TDRD9: variants seen among roughly 807,000 people sequenced by gnomAD.
TDRD9 encodes the protein ATP-dependent RNA helicase TDRD9.
A neutral mutation model predicts 172.6 loss-of-function variants in TDRD9; 124 were observed. That is an observed-to-expected ratio of 0.72 (90% CI 0.62 to 0.83). The LOEUF is 0.83. Ranked by LOEUF, TDRD9 falls within the 40% of genes least tolerant of loss-of-function variation. The pLI is 0.00. For synonymous variants in TDRD9, 619 were observed against 617.1 expected (o/e 1.00, Z -0.05); for missense variants, 1,479 against 1,714.1 (o/e 0.86, Z 2.42).
chr14:103,938,382 ATGTGTGTGTGTGTG>A (rs71126086), intron 1 of TDRD9, among the ~76,000 whole-genome samples: 38 of 38,588 alleles, frequency 9.8e-4, no homozygotes, highest in African/African-American at 2.1e-3. Context: ...TGCCCCATAT[ATGTGTGTGTGTGTG>A]TGTGTGTGTG....
Position 103,998,709 on chromosome 14 carries a change from C to G in TDRD9, c.1464C>G (p.Thr488=). The change falls in exon 13 of 36, where the codon ACC becomes ACG. Residue 488 remains threonine (T), a synonymous_variant. Coordinates refer to ENST00000409874, the MANE Select transcript of TDRD9 (RefSeq NM_153046.3). The part of the protein sequence containing the change: ...QSLRLSWASK[T]SCNQRKGRAG... ...TGCGATTGAGTTGGGCTTCTAAAAC[C>G]AGCTGTAATCAGAGAAAAGGTAAGA... 1 of 1,574,480 alleles carries G rather than the reference C, an allele frequency of 6.4e-7. No homozygotes were observed. Among genetic ancestry groups the G allele is most frequent in the Non-Finnish European group, 8.7e-7 (1 of 1,144,134 alleles).
rs2032689797 is a variant in TDRD9, at chr14:103,965,359, C to T, written c.447C>T (p.Ser149=). Residue 149 remains serine (S), a synonymous_variant, in exon 4 of 36, where the codon TCC becomes TCT. Coordinates refer to ENST00000409874, the MANE Select transcript of TDRD9 (RefSeq NM_153046.3). Reference sequence around the variant, plus strand: ...TTGTGTCTTTGATAGAAAGTAATTCCGTGGTGATTATCCATGGGGCCACGG... The same window carrying T: ...TTGTGTCTTTGATAGAAAGTAATTCTGTGGTGATTATCCATGGGGCCACGG... ...EEVVSLIESN[S]VVIIHGATGS... The T allele has an allele frequency of 9.0e-6, 14 of 1,551,440 alleles. No homozygotes were observed. The highest frequency in any genetic ancestry group is 7.1e-5 in the South Asian group (6 of 84,042).
At chr14:104,046,977 A>G (rs781776517) in intron 34 of TDRD9, among the ~76,000 whole-genome samples, 6 of 152,058 alleles carry the variant, frequency 3.9e-5, no homozygotes, top group Non-Finnish European at 7.4e-5. Flanking sequence ...TTACTCTTTT[A>G]TATTCTTTTC....
At chr14:104,046,786 C>CA (rs1323456430) in intron 34 of TDRD9, among the ~76,000 whole-genome samples, 2 of 152,052 alleles carry the variant, frequency 1.3e-5, no homozygotes, top group East Asian at 3.9e-4. Flanking sequence ...GCTGGGACTA[C>CA]AGGTGCCCGC....
In TDRD9 at chr14:104,005,135, C is replaced by T. The variant is rs2034393798; in HGVS notation, c.1582-139C>T. On this transcript the variant is annotated intron_variant, in intron 14 of 35. Transcript: ENST00000409874. ...CTTCTCTCTCCCTTCTCTTCTCTCC[C>T]TCCCTCAATCCTCTCCATTTTTCTT... The T allele has an allele frequency of 8.6e-6, 6 of 700,496 alleles. No individual in the cohort carries two copies. The Admixed American group carries it at 1.4e-4, about 17-fold the overall frequency. 43.4% of individuals were successfully genotyped at this position (700,496 alleles called of 1,614,324 possible). A position where few individuals can be genotyped will look rare whatever the true frequency, so the allele number is the denominator to read the frequency against.
chr14:103,971,273 G>A (rs111423388), intron 6 of TDRD9, among the ~76,000 whole-genome samples: 3,578 of 151,502 alleles, frequency 0.024, 80 homozygotes, highest in East Asian at 0.079. Flanking sequence ...GTGAGCCACC[G>A]CGCCTGGCCC....
rs1277399444 is a variant in TDRD9, at chr14:103,928,464, C to T, written c.-46C>T. On this transcript the variant is annotated 5_prime_UTR_variant, in exon 1 of 36. Transcript: ENST00000409874. ...CGCTTCCGCCGTCGCCTGTTCCCGC[C>T]GCGGAGACCCGGCAGTTGGGGGATG... 5.6e-6 allele frequency: 8 copies of T among 1,420,550 alleles called. 1 individual carries two copies. In the Middle Eastern group the frequency reaches 6.3e-4, roughly 111 times the overall value. The allele number at this position is 1,420,550 out of a possible 1,614,324, so 88.0% of individuals were successfully genotyped here. A position where few individuals can be genotyped will look rare whatever the true frequency, so the allele number is the denominator to read the frequency against.
chr14:104,040,370 G>A lies in TDRD9; in HGVS notation c.3855+36G>A, dbSNP rs749234658. 16 of 1,488,212 alleles carry A rather than the reference G, an allele frequency of 1.1e-5. No homozygotes were observed. In the East Asian group the frequency reaches 3.3e-4, roughly 31 times the overall value. The allele number at this position is 1,488,212 out of a possible 1,614,324, so 92.2% of individuals were successfully genotyped here. A position where few individuals can be genotyped will look rare whatever the true frequency, so the allele number is the denominator to read the frequency against. On this transcript the variant is annotated intron_variant, in intron 33 of 35. Coordinates refer to ENST00000409874, the MANE Select transcript of TDRD9 (RefSeq NM_153046.3). ...TGCAGCATCACGGCACCACAACCCTGTCTCTCTCTGGTTTTGCTTACCTGA... is the reference window on the plus strand; with the variant it reads ...TGCAGCATCACGGCACCACAACCCTATCTCTCTCTGGTTTTGCTTACCTGA...
Position 103,994,500 on chromosome 14 carries a change from T to G in TDRD9, c.1236-19T>G. The stretch of plus-strand genomic sequence containing the variant: ...GTATATCTATTCTTTATGGAGATTT[T>G]ATTTTAGTAATTTCTTAGGTTGCAG... On this transcript the variant is annotated intron_variant, in intron 10 of 35. Transcript: ENST00000409874. 6.2e-7 allele frequency: 1 copy of G among 1,612,218 alleles called. No individual in the cohort carries two copies. Among genetic ancestry groups the G allele is most frequent in the Non-Finnish European group, 8.5e-7 (1 of 1,178,618 alleles).
Position 104,031,124 on chromosome 14 carries a change from T to G in TDRD9, c.3299T>G (p.Leu1100Arg). 2 of 1,550,696 alleles carry G rather than the reference T, an allele frequency of 1.3e-6. No homozygotes were observed. The highest frequency in any genetic ancestry group is 1.7e-6 in the Non-Finnish European group (2 of 1,146,760). ...TTTGTTCAGCAAAGCCATGAAGTTC[T>G]CAAGGGCCTCTTTTCCAAGTCAGTA... ...SYESKQSHEV[L>R]KGLFSKSVEN... Residue 1100 changes from leucine to arginine, a missense_variant, in exon 29 of 36, where the codon CTC (leucine) becomes CGC (arginine). Leu to Arg is a moderately radical substitution (Grantham distance 102). This residue lies in a region of TDRD9 where 1,413 missense variants were observed against 1,649.1 expected (regional missense o/e 0.86). Transcript: ENST00000409874.
intron 28 of TDRD9, among the ~76,000 whole-genome samples, chr14:104,028,473 G>A (rs2035190033): frequency 6.6e-6 from 1 of 152,044 alleles, no homozygotes; most frequent in Non-Finnish European, 1.5e-5. Flanking sequence ...ATATTTGTTG[G>A]TTATTTGTAT....
At chr14:104,000,640 C>T (rs1025167828) in intron 13 of TDRD9, among the ~76,000 whole-genome samples, 6 of 152,046 alleles carry the variant, frequency 3.9e-5, no homozygotes, top group Non-Finnish European at 7.4e-5. Context: ...CAAAAATTTG[C>T]TGAGTGTGGT....
At chr14:103,988,274 A>C (rs556690178) in intron 8 of TDRD9, among the ~76,000 whole-genome samples, 1 of 152,026 alleles carries the variant, frequency 6.6e-6, no homozygotes, top group African/African-American at 2.4e-5. Flanking sequence ...CCTGGGTTCA[A>C]GCGATTCTCC....
chr14:103,983,056 CTT>C lies in TDRD9; in HGVS notation c.1012-3137_1012-3136del, dbSNP rs397853010. On this transcript the variant is annotated intron_variant, in intron 7 of 35. Transcript: ENST00000409874. ...CCCCACCTGGACTCGCTGTGGGTCA[CTT>C]TTTTTTTTTTTTTTTTTTTTTTTGA... is the stretch of plus-strand genomic sequence containing the variant. 6.7e-4 allele frequency among the ~76,000 whole-genome samples: 59 copies of C among 87,632 alleles called. No individual in the cohort carries two copies. The South Asian group carries it at 7.3e-3, about 11-fold the overall frequency. The allele number at this position is 87,632 out of a possible 152,430, so 57.5% of individuals were successfully genotyped here. A position where few individuals can be genotyped will look rare whatever the true frequency, so the allele number is the denominator to read the frequency against.
intron 1 of TDRD9, among the ~76,000 whole-genome samples, chr14:103,950,216 A>G (rs1381179677): frequency 6.7e-6 from 1 of 149,366 alleles, no homozygotes; most frequent in African/African-American, 2.5e-5. Context: ...CAGCCTCCCT[A>G]GTAGCTGGGA....
chr14:103,933,571 A>T (rs1332950341), intron 1 of TDRD9, among the ~76,000 whole-genome samples: 1 of 151,950 alleles, frequency 6.6e-6, no homozygotes, highest in African/African-American at 2.4e-5. Context: ...TTATTATTTT[A>T]AAAAATATTA....
intron 1 of TDRD9, among the ~76,000 whole-genome samples, chr14:103,947,611 G>A (rs111675707): frequency 0.023 from 3,457 of 152,314 alleles, 74 homozygotes; most frequent in East Asian, 0.07. Flanking sequence ...ACAGGCATGA[G>A]CCACCGTGCC....
intron 30 of TDRD9, among the ~76,000 whole-genome samples, chr14:104,032,861 G>C (rs2035328421): frequency 6.6e-6 from 1 of 152,188 alleles, no homozygotes; most frequent in Non-Finnish European, 1.5e-5. Context: ...CATCTAGGGG[G>C]CCCAGCCACC....
intron 13 of TDRD9, among the ~76,000 whole-genome samples, chr14:104,003,072 C>T (rs1182244074): frequency 6.6e-6 from 1 of 151,900 alleles, no homozygotes; most frequent in Non-Finnish European, 1.5e-5. Context: ...AGAGGTTGAC[C>T]AAAACCTTAG....
Sources: allele counts gnomAD v4.1 joint callset (sites outside exome capture counted in the v4.1 genomes callset), GRCh38; gene constraint gnomAD v4.1.1; regional missense constraint gnomAD v4.1.1; transcripts MANE v1.5; gene names NCBI Gene and HGNC (gene_info 2026-07-23, HGNC 2026-07-21).